Variants in USP12 observed in about 807,000 individuals in gnomAD.
USP12 encodes ubiquitin carboxyl-terminal hydrolase 12.
Under a neutral mutation model 45.5 loss-of-function variants are expected in USP12, and 19 were observed. That is an observed-to-expected ratio of 0.42 (90% CI 0.29 to 0.61). The LOEUF is 0.61. Among genes scored for constraint, USP12 ranks in the 20% least tolerant of loss-of-function variants. USP12 has a pLI of 0.22. For missense variants in USP12, 242 were observed against 447.7 expected, an observed-to-expected ratio of 0.54 and a Z score of 4.15; for synonymous variants, 149 against 148.8, an observed-to-expected ratio of 1.00 and a Z score of -0.01.
chr13:27,083,177 G>C (rs1873841991), intron 6 of USP12, among the ~76,000 whole-genome samples: 1 of 152,168 alleles, frequency 6.6e-6, no homozygotes, highest in Non-Finnish European at 1.5e-5. Context: ...GTGCTCCCAA[G>C]ACAGTTACCA....
At chr13:27,114,551 A>G (rs1002265697) in intron 2 of USP12, among the ~76,000 whole-genome samples, 2 of 152,208 alleles carry the variant, frequency 1.3e-5, no homozygotes, top group African/African-American at 4.8e-5. Flanking sequence ...AGATAAGCTG[A>G]GAGGAAATCC....
chr13:27,075,642 A>G (rs551019359), intron 6 of USP12, among the ~76,000 whole-genome samples: 1 of 152,298 alleles, frequency 6.6e-6, no homozygotes, highest in African/African-American at 2.4e-5. Context: ...TGGCTCCAAA[A>G]CAGATGGAAT....
At chr13:27,075,979 G>A (rs1403351121) in intron 6 of USP12, among the ~76,000 whole-genome samples, 2 of 143,382 alleles carry the variant, frequency 1.4e-5, no homozygotes, top group South Asian at 2.2e-4. Context: ...GCAGTGAGCT[G>A]AGATCACGCC....
At chr13:27,154,068 C>G (rs1055681973) in intron 1 of USP12, among the ~76,000 whole-genome samples, 4 of 138,132 alleles carry the variant, frequency 2.9e-5, no homozygotes, top group Non-Finnish European at 6.7e-5. Flanking sequence ...ACAGAAATAT[C>G]CACATCTTTC....
chr13:27,096,137 CTTA>C (rs36082265), intron 3 of USP12, among the ~76,000 whole-genome samples: 41,511 of 151,970 alleles, frequency 0.27, 6,239 homozygotes, highest in Non-Finnish European at 0.34. Flanking sequence ...GCTTACCTGA[CTTA>C]TTATTTCACA....
intron 2 of USP12, among the ~76,000 whole-genome samples, chr13:27,115,462 T>C (rs927017397): frequency 6.6e-6 from 1 of 152,166 alleles, no homozygotes; most frequent in Admixed American, 6.6e-5. Context: ...ATCTAATATG[T>C]CCTATGTAGG....
At chr13:27,076,983 A>G (rs1873518189) in intron 6 of USP12, among the ~76,000 whole-genome samples, 1 of 152,232 alleles carries the variant, frequency 6.6e-6, no homozygotes, top group Admixed American at 6.5e-5. Context: ...AATTAAATGT[A>G]TAATCTCAAA....
rs760502670 is a variant in USP12 at position 27,071,138 on chromosome 13, C to T, written c.944G>A (p.Arg315Gln). 2 of 1,602,302 alleles carry T rather than the reference C, an allele frequency of 1.2e-6. No homozygotes were observed. Among genetic ancestry groups the T allele is most frequent in the Non-Finnish European group, 1.7e-6 (2 of 1,175,940 alleles). The change falls in exon 8 of 9, where the codon CGA becomes CAA. Residue 315 changes from arginine (R) to glutamine (Q), a missense_variant. Transcript: ENST00000282344. Reference protein sequence around the residue: ...VVVHCGSGPNRGHYIAIVKSH... With the variant: ...VVVHCGSGPNQGHYIAIVKSH... Reference sequence around the variant, plus strand: ...CTTAACTATTGCAATATAATGGCCTCGATTGGGACCACTAAAACAAACGAA... The same window carrying T: ...CTTAACTATTGCAATATAATGGCCTTGATTGGGACCACTAAAACAAACGAA...
At chr13:27,115,134 A>G (rs2137796308) in intron 2 of USP12, among the ~76,000 whole-genome samples, 1 of 152,320 alleles carries the variant, frequency 6.6e-6, no homozygotes, top group African/African-American at 2.4e-5. Context: ...TTATATTTCT[A>G]CTGATCAAAT....
intron 6 of USP12, among the ~76,000 whole-genome samples, chr13:27,081,986 G>C (rs1873780961): frequency 1.3e-5 from 2 of 152,204 alleles, no homozygotes; most frequent in South Asian, 4.2e-4. Context: ...GCACAGGCAG[G>C]GTAGATTCAG....
chr13:27,095,945 G>GT (rs2137776497), intron 3 of USP12, 115 bp from the exon 4 acceptor site: 2 of 712,712 alleles, frequency 2.8e-6, no homozygotes, highest in South Asian at 2.9e-5. Context: ...AATGCACAAT[G>GT]TTTTTGTAAT....
At chr13:27,085,382 T>A (rs1366517913) in intron 6 of USP12, among the ~76,000 whole-genome samples, 1 of 152,086 alleles carries the variant, frequency 6.6e-6, no homozygotes, top group Non-Finnish European at 1.5e-5. Flanking sequence ...GGTTTTAGCA[T>A]ATTGGCCAGG....
At chr13:27,093,076 A>C (rs926581095) in intron 4 of USP12, among the ~76,000 whole-genome samples, 6 of 151,900 alleles carry the variant, frequency 3.9e-5, no homozygotes, top group South Asian at 2.1e-4. Context: ...CGTGCCTGTA[A>C]TCCTGGCTAC....
chr13:27,101,350 A>G (rs1250149750), intron 3 of USP12, among the ~76,000 whole-genome samples: 4 of 152,136 alleles, frequency 2.6e-5, no homozygotes, highest in African/African-American at 9.7e-5. Context: ...AATTTTTAAA[A>G]CCCTGGTTTT....
At chr13:27,119,268 C>G (rs953165581) in intron 1 of USP12, among the ~76,000 whole-genome samples, 11 of 152,144 alleles carry the variant, frequency 7.2e-5, no homozygotes, top group African/African-American at 2.7e-4. Context: ...TAGATACTCT[C>G]CTTAGTTTGG....
In USP12 at chr13:27,067,803, T is replaced by C. The variant is rs1037538132; in HGVS notation, c.*1480A>G. The C allele has an allele frequency of 1.3e-5, 2 of 152,212 alleles. No individual in the cohort carries two copies. The highest frequency in any genetic ancestry group is 4.8e-5 in the African/African-American group (2 of 41,462). 9.4% of individuals were successfully genotyped at this position (152,212 alleles called of 1,614,324 possible). On this transcript the variant is annotated 3_prime_UTR_variant, in exon 9 of 9. Coordinates refer to ENST00000282344, the MANE Select transcript of USP12 (RefSeq NM_182488.4). Reference sequence around the variant, plus strand: ...ACATCCAAGGCCTGATTGCTATTATTCTGAATATAATTTTCAATAATTTTC... The same window carrying C: ...ACATCCAAGGCCTGATTGCTATTATCCTGAATATAATTTTCAATAATTTTC...
At position 27,118,170 on chromosome 13, in the gene USP12, T is replaced by C. The variant is rs549111168; in HGVS notation, c.49-1574A>G. Among the ~76,000 whole-genome samples the C allele has an allele frequency of 1.4e-3, 213 of 151,802 alleles. 1 individual carries two copies. Among genetic ancestry groups the C allele is most frequent in the African/African-American group, 4.8e-3 (197 of 41,350 alleles). ...CTGCTGCTTCCTTTCCGCATGAGAC[T>C]CCTAAATCTGGGAAGCCCAGAACCT... On this transcript the variant is annotated intron_variant, in intron 1 of 8. Transcript: ENST00000282344.
At chr13:27,137,505 A>G (rs887037978) in intron 1 of USP12, among the ~76,000 whole-genome samples, 7 of 152,220 alleles carry the variant, frequency 4.6e-5, no homozygotes, top group Non-Finnish European at 8.8e-5. Flanking sequence ...CTGTAAATAG[A>G]TAGATGTATA....
At chr13:27,094,281 G>A (rs546623841) in intron 4 of USP12, among the ~76,000 whole-genome samples, 6 of 152,058 alleles carry the variant, frequency 3.9e-5, no homozygotes, top group African/African-American at 1.4e-4. Context: ...AGGCAGGTGG[G>A]TTACTTGAGG....
Sources: gnomAD v4.1 joint callset for allele counts (sites outside exome capture counted in the v4.1 genomes callset) on GRCh38, gnomAD v4.1.1 for gene constraint, MANE v1.5 for transcripts, NCBI Gene and HGNC (gene_info 2026-07-23, HGNC 2026-07-21) for gene names.